ATP8A2: variants seen among roughly 807,000 people sequenced by gnomAD.
The protein encoded by ATP8A2 is phospholipid-transporting ATPase IB.
A neutral mutation model predicts 165.6 loss-of-function variants in ATP8A2; 100 were observed. The ratio of observed to expected loss-of-function variants is 0.60; its 90% CI spans 0.51 to 0.71. The LOEUF (loss-of-function observed/expected upper bound fraction) is 0.71. ATP8A2 is among the 30% of genes least tolerant of loss of function. The probability of loss-of-function intolerance (pLI) is 0.00; values close to 1 mark genes in which losing one functional copy is unlikely to be tolerated. For synonymous variants in ATP8A2, 543 were observed against 548.8 expected (o/e 0.99, Z 0.15); for missense variants, 1,227 against 1,479.5 (o/e 0.83, Z 2.80).
At chr13:25,687,973 A>G (rs189905066) in intron 24 of ATP8A2, among the ~76,000 whole-genome samples, 1 of 152,176 alleles carries the variant, frequency 6.6e-6, no homozygotes, top group East Asian at 1.9e-4. Flanking sequence ...ATGAAGTCCA[A>G]GTGCTTCCTC....
chr13:25,442,169 G>A (rs12586060), intron 1 of ATP8A2, among the ~76,000 whole-genome samples: 6,808 of 152,230 alleles, frequency 0.045, 190 homozygotes, highest in East Asian at 0.1. Flanking sequence ...TTGCTTCCAC[G>A]TTGTAGCTGC....
chr13:25,669,857 A>C (rs1271295906), intron 24 of ATP8A2, among the ~76,000 whole-genome samples: 17 of 152,212 alleles, frequency 1.1e-4, no homozygotes, highest in Admixed American at 1.1e-3. Flanking sequence ...CAGGAATGAA[A>C]CAAGTACCAG....
intron 2 of ATP8A2, among the ~76,000 whole-genome samples, chr13:25,487,516 C>T (rs1002897298): frequency 2.6e-5 from 4 of 152,180 alleles, no homozygotes; most frequent in Non-Finnish European, 5.9e-5. Context: ...GCACTTTAAA[C>T]AGCACCTCAC....
rs1181846515 is a variant in ATP8A2, at chr13:25,444,857, G to T, written c.77-24120G>T. Among the ~76,000 whole-genome samples the T allele has an allele frequency of 2.0e-5, 3 of 152,026 alleles. No homozygotes were observed. In the East Asian group the frequency reaches 5.8e-4, roughly 29 times the overall value. On this transcript the variant is annotated intron_variant, in intron 1 of 36. Coordinates refer to ENST00000381655, the MANE Select transcript of ATP8A2 (RefSeq NM_016529.6). ...GATGGGGTTTCACCATATTGGTCAG[G>T]CTGGTCTCAAACTCAGATGATCCAC...
chr13:25,530,642 A>G lies in ATP8A2; in HGVS notation c.402A>G (p.Lys134=). 6.3e-7 allele frequency: 1 copy of G among 1,585,362 alleles called. No homozygotes were observed. The highest frequency in any genetic ancestry group is 8.6e-7 in the Non-Finnish European group (1 of 1,160,564). Residue 134 remains lysine, a synonymous_variant, in exon 4 of 37, where the codon AAA becomes AAG. Coordinates refer to ENST00000381655, the MANE Select transcript of ATP8A2 (RefSeq NM_016529.6). ...LIIILTIAGI[K]EIVEDFKRHK... is the part of the protein sequence containing the mutation. ...TTATTTTAACAATTGCAGGCATCAA[A>G]GAGATTGTAGAAGATTTTGTAAGTT...
chr13:25,551,638 A>G, intron 11 of ATP8A2, 135 bp downstream of exon 11: 1 of 747,226 alleles, frequency 1.3e-6, no homozygotes, highest in Non-Finnish European at 2.1e-6. Flanking sequence ...CCAGCCTTTC[A>G]AGGAGAATTG....
intron 1 of ATP8A2, among the ~76,000 whole-genome samples, chr13:25,401,421 T>C (rs1313546706): frequency 6.6e-6 from 1 of 152,216 alleles, no homozygotes; most frequent in Non-Finnish European, 1.5e-5. Flanking sequence ...AAGAAAGAGC[T>C]AGCAGCAAGA....
intron 35 of ATP8A2, among the ~76,000 whole-genome samples, chr13:26,001,604 T>A (rs1165054984): frequency 6.6e-6 from 1 of 152,200 alleles, no homozygotes; most frequent in Non-Finnish European, 1.5e-5. Flanking sequence ...TAGTTTTGAT[T>A]TGCATTTCCC....
intron 33 of ATP8A2, among the ~76,000 whole-genome samples, chr13:25,873,388 G>T (rs1179300525): frequency 6.6e-6 from 1 of 152,186 alleles, no homozygotes; most frequent in Non-Finnish European, 1.5e-5. Flanking sequence ...GAAGGAAGAG[G>T]TCACGACTTG....
rs535490661 is a variant in ATP8A2 at position 25,669,070 on chromosome 13, C to T, written c.2212-30103C>T. 3.3e-5 allele frequency among the ~76,000 whole-genome samples: 5 copies of T among 152,014 alleles called. No homozygotes were observed. In the South Asian group the frequency reaches 8.3e-4, roughly 25 times the overall value. Reference sequence around the variant, plus strand: ...TAGTTTCTGTCAATTTATTTTTTTCCTATGAATGGGACATACTTTTTTGTT... The same window carrying T: ...TAGTTTCTGTCAATTTATTTTTTTCTTATGAATGGGACATACTTTTTTGTT... On this transcript the variant is annotated intron_variant, in intron 24 of 36. Coordinates refer to ENST00000381655, the MANE Select transcript of ATP8A2 (RefSeq NM_016529.6).
chr13:25,398,376 T>C (rs967630088), intron 1 of ATP8A2, among the ~76,000 whole-genome samples: 13 of 152,200 alleles, frequency 8.5e-5, no homozygotes, highest in Non-Finnish European at 1.6e-4. Context: ...GAATGTATAA[T>C]GAGGTATGTC....
At chr13:26,002,112 A>G (rs9553697) in intron 35 of ATP8A2, among the ~76,000 whole-genome samples, 38,084 of 152,204 alleles carry the variant, frequency 0.25, 4,937 homozygotes, top group Non-Finnish European at 0.3. Context: ...TAACATTGTC[A>G]TCACCTCACC....
At chr13:25,495,624 C>CTTTTT (rs11369713) in intron 2 of ATP8A2, among the ~76,000 whole-genome samples, 1 of 88,224 alleles carries the variant, frequency 1.1e-5, no homozygotes, top group African/African-American at 4.2e-5. Flanking sequence ...GCATGCCTTG[C>CTTTTT]TTTTTTTTTT....
At chr13:25,609,960 G>A (rs1283350977) in intron 24 of ATP8A2, among the ~76,000 whole-genome samples, 1 of 151,512 alleles carries the variant, frequency 6.6e-6, no homozygotes, top group African/African-American at 2.4e-5. Context: ...CTTTTTGATA[G>A]GATTGTTTTT....
Position 25,773,537 on chromosome 13 carries a change from A to G in ATP8A2, c.2569-1312A>G, listed in dbSNP as rs933880060. 3.6e-4 allele frequency among the ~76,000 whole-genome samples: 55 copies of G among 152,118 alleles called. 1 individual carries two copies. Among genetic ancestry groups the G allele is most frequent in the African/African-American group, 1.2e-3 (51 of 41,412 alleles). Reference sequence around the variant, plus strand: ...ATTCCTGAATGTTACTGGATTATCTATGGCTCCAACTCAAACCACAGGAGC... The same window carrying G: ...ATTCCTGAATGTTACTGGATTATCTGTGGCTCCAACTCAAACCACAGGAGC... On this transcript the variant is annotated intron_variant, in intron 26 of 36. Coordinates refer to ENST00000381655, the MANE Select transcript of ATP8A2 (RefSeq NM_016529.6).
intron 35 of ATP8A2, among the ~76,000 whole-genome samples, chr13:25,986,809 C>G (rs1405416131): frequency 6.6e-6 from 1 of 152,118 alleles, no homozygotes; most frequent in Non-Finnish European, 1.5e-5. Context: ...AATGGCTACA[C>G]CATTTTACAT....
At chr13:25,860,306 C>A (rs1411269990) in intron 31 of ATP8A2, 50 bp downstream of exon 31, 2 of 1,218,498 alleles carry the variant, frequency 1.6e-6, no homozygotes, top group Non-Finnish European at 2.4e-6. Flanking sequence ...TTATGTGTGG[C>A]TTGCACTTCT....
At chr13:25,956,213 A>T (rs1035279124) in intron 33 of ATP8A2, among the ~76,000 whole-genome samples, 2 of 152,210 alleles carry the variant, frequency 1.3e-5, no homozygotes, top group African/African-American at 4.8e-5. Flanking sequence ...CAGGCACAAG[A>T]CAAGGATGCC....
chr13:25,670,508 TA>T (rs1234398136), intron 24 of ATP8A2, among the ~76,000 whole-genome samples: 2 of 152,162 alleles, frequency 1.3e-5, no homozygotes, highest in Admixed American at 6.5e-5. Context: ...TAATATTTGC[TA>T]AAAAAATGAT....
Sources: allele counts gnomAD v4.1 joint callset (sites outside exome capture counted in the v4.1 genomes callset), GRCh38; gene constraint gnomAD v4.1.1; transcripts MANE v1.5; gene names NCBI Gene and HGNC (gene_info 2026-07-23, HGNC 2026-07-21).